Variants in ITPR1 observed in about 807,000 individuals in gnomAD.
The protein encoded by ITPR1 is inositol 1,4,5-trisphosphate-gated calcium channel ITPR1.
Under a neutral mutation model 318.4 loss-of-function variants are expected in ITPR1, and 96 were observed. The observed-to-expected ratio is 0.30, with a 90% CI of 0.26 to 0.36. The LOEUF is 0.36. Among genes scored for constraint, ITPR1 ranks in the 10% least tolerant of loss-of-function variants. The pLI is 1.00. For missense variants in ITPR1, 2,440 were observed against 3,460.2 expected, an observed-to-expected ratio of 0.71 and a Z score of 7.40; for synonymous variants, 1,312 against 1,289.9, an observed-to-expected ratio of 1.02 and a Z score of -0.37.
chr3:4,633,307 C>T (rs1472794995), intron 5 of ITPR1, among the ~76,000 whole-genome samples: 2 of 152,078 alleles, frequency 1.3e-5, no homozygotes, highest in African/African-American at 2.4e-5. Context: ...GGAACTTTTC[C>T]CCCTAGTGTC....
chr3:4,826,459 C>T lies in ITPR1; in HGVS notation c.8028+8217C>T, dbSNP rs866828556. Among the ~76,000 whole-genome samples, 5 of 152,134 alleles carry T rather than the reference C, an allele frequency of 3.3e-5. No homozygotes were observed. In the South Asian group the frequency reaches 1.0e-3, roughly 32 times the overall value. On this transcript the variant is annotated intron_variant, in intron 60 of 61. Transcript: ENST00000649015. The surrounding 1 kb of genome is among the most constrained non-coding windows in gnomAD (Gnocchi z 4.2). Reference sequence around the variant, plus strand: ...GGCACCACGGCAGAGTCAAGAATATCGGAGCAGGGAGGAGTGAAGAGGGAT... The same window carrying T: ...GGCACCACGGCAGAGTCAAGAATATTGGAGCAGGGAGGAGTGAAGAGGGAT...
intron 24 of ITPR1, among the ~76,000 whole-genome samples, chr3:4,679,803 A>G (rs2094260457): frequency 1.3e-5 from 2 of 152,224 alleles, no homozygotes; most frequent in South Asian, 2.1e-4. Context: ...AGGATGTCCA[A>G]CAGTCTGTAG....
rs571809937 is a variant in ITPR1 at position 4,705,789 on chromosome 3, A to T, written c.4658-378A>T. On this transcript the variant is annotated intron_variant, in intron 36 of 61. Transcript: ENST00000649015. ...GTAGATTGTTGAACAAACCTGAAAA[A>T]TAACTAGCAAATGATTCATTGGCCA... is the stretch of plus-strand genomic sequence containing the variant. 3.8e-4 allele frequency among the ~76,000 whole-genome samples: 58 copies of T among 152,338 alleles called. 1 individual carries two copies. In the South Asian group the frequency reaches 0.012, roughly 32 times the overall value.
chr3:4,643,736 A>C (rs1405907160), intron 7 of ITPR1, among the ~76,000 whole-genome samples: 1 of 152,180 alleles, frequency 6.6e-6, no homozygotes, highest in African/African-American at 2.4e-5. Flanking sequence ...AAAAATATGA[A>C]AGTAATTGTT....
At chr3:4,793,126 A>T (rs2047676321) in intron 52 of ITPR1, among the ~76,000 whole-genome samples, 1 of 152,212 alleles carries the variant, frequency 6.6e-6, no homozygotes, top group Non-Finnish European at 1.5e-5. Context: ...TACCTAGTTG[A>T]TTTGAAGGAC....
chr3:4,723,388 A>G (rs2042299237), intron 40 of ITPR1, among the ~76,000 whole-genome samples: 1 of 152,208 alleles, frequency 6.6e-6, no homozygotes, highest in South Asian at 2.1e-4. Flanking sequence ...GAAGATGCAA[A>G]GCATCCTCTG....
chr3:4,611,225 TC>T (rs2092091307), intron 4 of ITPR1, among the ~76,000 whole-genome samples: 1 of 120,530 alleles, frequency 8.3e-6, no homozygotes, highest in Non-Finnish European at 1.6e-5. Context: ...CAAAACCTCA[TC>T]TCTACAAAAA....
intron 4 of ITPR1, among the ~76,000 whole-genome samples, chr3:4,578,536 G>A (rs928242960): frequency 6.6e-6 from 1 of 152,088 alleles, no homozygotes; most frequent in Non-Finnish European, 1.5e-5. Context: ...AGTGAGAATT[G>A]TGGAGCTCAT....
At chr3:4,667,353 C>T (rs1270444119) in intron 17 of ITPR1, 24 bp from the exon 18 acceptor site, 9 of 1,563,434 alleles carry the variant, frequency 5.8e-6, no homozygotes, top group Admixed American at 1.9e-5. Context: ...TTCCTACTGA[C>T]GTCTCTTTTC....
intron 60 of ITPR1, among the ~76,000 whole-genome samples, chr3:4,836,254 G>A (rs920838442): frequency 2.0e-5 from 3 of 152,044 alleles, no homozygotes; most frequent in Admixed American, 6.6e-5. Flanking sequence ...CGGGGCCGGC[G>A]GGAATGGGGT....
Position 4,675,252 on chromosome 3 carries a change from A to T in ITPR1, c.2779+4A>T, listed in dbSNP as rs763053214. ...AATGATGTGGAGAAGCTGAAGAGTGAGTATCTGAGGGTGCCCATACATCTG... is the reference window on the plus strand; with the variant it reads ...AATGATGTGGAGAAGCTGAAGAGTGTGTATCTGAGGGTGCCCATACATCTG... On this transcript the variant is annotated splice_donor_region_variant and intron_variant, in intron 23 of 61. Coordinates refer to ENST00000649015, the MANE Select transcript of ITPR1 (RefSeq NM_001378452.1). The T allele has an allele frequency of 1.9e-6, 3 of 1,605,072 alleles. No individual in the cohort carries two copies. In the South Asian group the frequency reaches 3.4e-5, roughly 18 times the overall value.
chr3:4,771,303 C>T (rs1364782011), intron 46 of ITPR1, among the ~76,000 whole-genome samples: 2 of 152,174 alleles, frequency 1.3e-5, no homozygotes, highest in East Asian at 3.8e-4. Context: ...TCCAGGAAGG[C>T]CTCTCAGAGG....
intron 44 of ITPR1, among the ~76,000 whole-genome samples, chr3:4,756,804 A>G (rs1160176970): frequency 6.6e-6 from 1 of 152,344 alleles, no homozygotes; most frequent in East Asian, 1.9e-4. Context: ...ACTGGATGCA[A>G]GTTGGACACT....
chr3:4,612,063 C>CTTTTT (rs34678180), intron 4 of ITPR1, among the ~76,000 whole-genome samples: 7 of 108,556 alleles, frequency 6.4e-5, no homozygotes, highest in East Asian at 2.9e-4. Context: ...GTATCAGGCC[C>CTTTTT]TTTTTTTTTT....
chr3:4,785,675 G>T (rs1220556977), intron 51 of ITPR1, among the ~76,000 whole-genome samples: 1 of 152,202 alleles, frequency 6.6e-6, no homozygotes, highest in African/African-American at 2.4e-5. Context: ...AATTTCAGAG[G>T]AGAAAAGGAC....
chr3:4,660,774 A>C (rs2093814902), intron 13 of ITPR1, among the ~76,000 whole-genome samples: 1 of 152,232 alleles, frequency 6.6e-6, no homozygotes, highest in Non-Finnish European at 1.5e-5. Context: ...AATATATAAC[A>C]GTAACTGTAG....
At chr3:4,635,062 G>A (rs2093140355) in intron 5 of ITPR1, among the ~76,000 whole-genome samples, 1 of 152,124 alleles carries the variant, frequency 6.6e-6, no homozygotes, top group South Asian at 2.1e-4. Flanking sequence ...ATTTTTAATG[G>A]CTACACGGTT....
In ITPR1 at chr3:4,516,994, A is replaced by C. The variant is rs866800746; in HGVS notation, c.92+411A>C. Reference sequence around the variant, plus strand: ...TAGTGACTCCTTTATAATATAAGCAAAGACCAAACCTCCTGGGCTGCCTAT... The same window carrying C: ...TAGTGACTCCTTTATAATATAAGCACAGACCAAACCTCCTGGGCTGCCTAT... On this transcript the variant is annotated intron_variant, in intron 3 of 61. Transcript: ENST00000649015. Among the ~76,000 whole-genome samples the C allele has an allele frequency of 5.9e-5, 9 of 152,336 alleles. 1 individual carries two copies. The South Asian group carries it at 1.9e-3, about 32-fold the overall frequency.
At chr3:4,687,705 C>T (rs375838464) in intron 30 of ITPR1, among the ~76,000 whole-genome samples, 62 of 152,270 alleles carry the variant, frequency 4.1e-4, no homozygotes, top group Admixed American at 6.5e-4. Context: ...TGGCTTATTA[C>T]GGAATATTTA....
Sources: gnomAD v4.1 joint callset for allele counts (sites outside exome capture counted in the v4.1 genomes callset) on GRCh38, gnomAD v4.1.1 for gene constraint, Gnocchi (gnomAD v3.1) non-coding constraint, MANE v1.5 for transcripts, NCBI Gene and HGNC (gene_info 2026-07-23, HGNC 2026-07-21) for gene names.